The following MKLN1 variants were observed in gnomAD, a reference collection of about 807,000 sequenced individuals.
MKLN1 encodes the protein muskelin.
Under a neutral mutation model 99.0 loss-of-function variants are expected in MKLN1, and 18 were observed. The observed-to-expected ratio is 0.18, with a 90% CI of 0.13 to 0.27. The LOEUF is 0.27. MKLN1 is among the 10% of genes least tolerant of loss of function. MKLN1 has a pLI of 1.00. For synonymous variants in MKLN1, 288 were observed against 293.2 expected, an observed-to-expected ratio of 0.98 and a Z score of 0.18; for missense variants, 621 against 875.9, an observed-to-expected ratio of 0.71 and a Z score of 3.67.
chr7:131,411,198 C>T, intron 6 of MKLN1, 108 bp from the exon 7 acceptor site: 1 of 600,642 alleles, frequency 1.7e-6, no homozygotes, highest in Non-Finnish European at 2.9e-6. Flanking sequence ...GTATTAGTGA[C>T]ATATTAGTAA....
At chr7:131,328,303 C>A (rs1221613346) in intron 1 of MKLN1, 2 of 333,730 alleles carry the variant, frequency 6.0e-6, no homozygotes, top group East Asian at 5.7e-5. Flanking sequence ...TTGAGGAGGG[C>A]TTGGGGGGCG....
intron 3 of MKLN1, among the ~76,000 whole-genome samples, chr7:131,239,346 T>TCAC (rs1797368489): frequency 6.6e-6 from 1 of 151,770 alleles, no homozygotes; most frequent in Non-Finnish European, 1.5e-5. Flanking sequence ...AGGGTCTCAC[T>TCAC]CTGTCACCCA....
intron 9 of MKLN1, among the ~76,000 whole-genome samples, chr7:131,433,255 G>A (rs1256368925): frequency 6.6e-6 from 1 of 152,064 alleles, no homozygotes; most frequent in Admixed American, 6.5e-5. Flanking sequence ...TCCTTCAACT[G>A]GGTTTGTATG....
At chr7:131,418,691 C>T (rs1337842374) in intron 8 of MKLN1, among the ~76,000 whole-genome samples, 2 of 152,150 alleles carry the variant, frequency 1.3e-5, no homozygotes, top group Non-Finnish European at 2.9e-5. Context: ...TCTTTACTCA[C>T]CAAATTCTTA....
intron 2 of MKLN1, among the ~76,000 whole-genome samples, chr7:131,186,622 C>T (rs1796454484): frequency 6.6e-6 from 1 of 152,170 alleles, no homozygotes; most frequent in African/African-American, 2.4e-5. Context: ...TATTACTTTA[C>T]TGTCACTGTT....
At chr7:131,333,240 T>C (rs1402042730) in intron 1 of MKLN1, among the ~76,000 whole-genome samples, 1 of 151,492 alleles carries the variant, frequency 6.6e-6, no homozygotes, top group East Asian at 2.0e-4. Flanking sequence ...GCCTGGCTAA[T>C]TTTTTAAATT....
At chr7:131,244,200 C>T (rs1312082019) in intron 3 of MKLN1, among the ~76,000 whole-genome samples, 2 of 152,058 alleles carry the variant, frequency 1.3e-5, no homozygotes, top group Non-Finnish European at 2.9e-5. Flanking sequence ...GGGAATTTGC[C>T]GAAGAGCAGG....
intron 1 of MKLN1, among the ~76,000 whole-genome samples, chr7:131,115,316 CTT>C (rs1290234940): frequency 1.3e-5 from 2 of 152,348 alleles, no homozygotes; most frequent in East Asian, 3.9e-4. Flanking sequence ...TGATTCTTCT[CTT>C]TTCCTCCGTT....
At chr7:131,393,333 A>G (rs1385886455) in intron 4 of MKLN1, among the ~76,000 whole-genome samples, 1 of 152,222 alleles carries the variant, frequency 6.6e-6, no homozygotes, top group East Asian at 1.9e-4. Context: ...AATATGCATT[A>G]TTAGTATTGT....
Position 131,494,111 on chromosome 7 carries a change from A to T in MKLN1, c.*6383A>T, listed in dbSNP as rs1366758412. On this transcript the variant is annotated 3_prime_UTR_variant, in exon 18 of 18. Coordinates refer to ENST00000352689, the MANE Select transcript of MKLN1 (RefSeq NM_013255.5). Reference sequence around the variant, plus strand: ...TTTCATGTATAACTTGTAACACAGAATTGAACTGATACTAGTTTCCTTGCC... The same window carrying T: ...TTTCATGTATAACTTGTAACACAGATTTGAACTGATACTAGTTTCCTTGCC... 1 of 152,248 alleles carries T rather than the reference A, an allele frequency of 6.6e-6. No individual in the cohort carries two copies. Among genetic ancestry groups the T allele is most frequent in the African/African-American group, 2.4e-5 (1 of 41,466 alleles). 9.4% of individuals were successfully genotyped at this position (152,248 alleles called of 1,614,324 possible).
intron 2 of MKLN1, among the ~76,000 whole-genome samples, chr7:131,164,660 T>G (rs997395439): frequency 6.6e-6 from 1 of 152,224 alleles, no homozygotes; most frequent in African/African-American, 2.4e-5. Flanking sequence ...GAAAATACAT[T>G]CCAGCATTTG....
chr7:131,473,290 A>G (rs1034451911), intron 16 of MKLN1, among the ~76,000 whole-genome samples: 1 of 151,994 alleles, frequency 6.6e-6, no homozygotes, highest in Admixed American at 6.6e-5. Context: ...TGTTCTGTTT[A>G]TATGTTTTAC....
intron 1 of MKLN1, among the ~76,000 whole-genome samples, chr7:131,127,310 T>C (rs1584777376): frequency 6.6e-6 from 1 of 151,702 alleles, no homozygotes; most frequent in Non-Finnish European, 1.5e-5. Context: ...CACTAACAGG[T>C]GGGAAAGAGT....
chr7:131,347,496 AAAAAAACCCAAAGAC>A (rs1022106517), intron 1 of MKLN1, among the ~76,000 whole-genome samples: 4 of 152,130 alleles, frequency 2.6e-5, no homozygotes, highest in Admixed American at 2.0e-4. Flanking sequence ...AACAAAAACA[AAAAAAACCCAAAGAC>A]AAAAAACCCT....
At chr7:131,319,920 G>A (rs926206508) in intron 3 of MKLN1, among the ~76,000 whole-genome samples, 1 of 152,170 alleles carries the variant, frequency 6.6e-6, no homozygotes, top group South Asian at 2.1e-4. Flanking sequence ...ACTGCTCAAG[G>A]AAATGAGAGG....
intron 1 of MKLN1, among the ~76,000 whole-genome samples, chr7:131,125,750 A>G (rs1320203583): frequency 6.6e-6 from 1 of 152,104 alleles, no homozygotes; most frequent in African/African-American, 2.4e-5. Flanking sequence ...CACGCCTGTA[A>G]TCCCAGCCCT....
intron 3 of MKLN1, among the ~76,000 whole-genome samples, chr7:131,219,441 G>A (rs1253473335): frequency 1.3e-5 from 2 of 152,200 alleles, no homozygotes; most frequent in Non-Finnish European, 2.9e-5. Flanking sequence ...AAGGCACAGA[G>A]AAGAATTTCG....
intron 3 of MKLN1, among the ~76,000 whole-genome samples, chr7:131,284,804 G>A (rs542325946): frequency 6.6e-6 from 1 of 152,318 alleles, no homozygotes; most frequent in East Asian, 1.9e-4. Flanking sequence ...TGGAGCATTT[G>A]TGGCTTTTTC....
intron 3 of MKLN1, among the ~76,000 whole-genome samples, chr7:131,227,142 G>A (rs965103101): frequency 1.3e-5 from 2 of 152,058 alleles, no homozygotes; most frequent in Admixed American, 6.6e-5. Flanking sequence ...CCTGTAACCC[G>A]TTTCTTTCCC....
Sources: allele counts gnomAD v4.1 joint callset (sites outside exome capture counted in the v4.1 genomes callset), GRCh38; gene constraint gnomAD v4.1.1; transcripts MANE v1.5; gene names NCBI Gene and HGNC (gene_info 2026-07-23, HGNC 2026-07-21).